SLC12A2: variants seen among roughly 807,000 people sequenced by gnomAD.
The protein encoded by SLC12A2 is solute carrier family 12 member 2.
In SLC12A2, 67 loss-of-function variants were observed where a neutral mutation model predicts 136.3. The ratio of observed to expected loss-of-function variants is 0.49; its 90% CI spans 0.40 to 0.60. SLC12A2 has a LOEUF of 0.60. SLC12A2 is among the 20% of genes least tolerant of loss of function. The probability of loss-of-function intolerance (pLI) is 0.00; values close to 1 mark genes in which losing one functional copy is unlikely to be tolerated. For missense variants in SLC12A2, 1,322 were observed against 1,534.7 expected (o/e 0.86, Z 2.32); for synonymous variants, 619 against 562.9 (o/e 1.10, Z -1.41).
rs1051492330 is a variant in SLC12A2, at chr5:128,083,909, G to T, written c.-46G>T. The stretch of plus-strand genomic sequence containing the variant: ...CCAGGGGTGTGGAGGGCGTGCTGCC[G>T]GAGACGTCCGCCGGGCTCTGCAGTT... On this transcript the variant is annotated 5_prime_UTR_variant, in exon 1 of 27. Coordinates refer to ENST00000262461, the MANE Select transcript of SLC12A2 (RefSeq NM_001046.3). 1 of 1,212,906 alleles carries T rather than the reference G, an allele frequency of 8.2e-7. No homozygotes were observed. Among genetic ancestry groups the T allele is most frequent in the Non-Finnish European group, 1.0e-6 (1 of 974,672 alleles). The allele number at this position is 1,212,906 out of a possible 1,614,324, so 75.1% of individuals were successfully genotyped here.
intron 24 of SLC12A2, 127 bp from the exon 25 acceptor site, chr5:128,184,239 G>A (rs2126761223): frequency 1.8e-6 from 1 of 551,184 alleles, no homozygotes. Context: ...TATTATGGTT[G>A]GGGTATGGAG....
At chr5:128,091,290 G>T (rs1382090126) in intron 1 of SLC12A2, among the ~76,000 whole-genome samples, 2 of 152,134 alleles carry the variant, frequency 1.3e-5, no homozygotes, top group African/African-American at 4.8e-5. Context: ...AGAAGGGCAG[G>T]TTTGGGAGAT....
chr5:128,175,587 G>A (rs2126751442), intron 20 of SLC12A2, among the ~76,000 whole-genome samples: 1 of 151,896 alleles, frequency 6.6e-6, no homozygotes, highest in Non-Finnish European at 1.5e-5. Context: ...AGTTTAATGG[G>A]AGGGTAAGAA....
At chr5:128,111,056 T>C (rs774681114) in intron 1 of SLC12A2, 40 of 628,020 alleles carry the variant, frequency 6.4e-5, no homozygotes, top group Non-Finnish European at 1.0e-4. Context: ...CTAAAAAGAA[T>C]TTTTTTAAGT....
intron 4 of SLC12A2, among the ~76,000 whole-genome samples, chr5:128,118,767 T>A (rs1761447013): frequency 6.6e-6 from 1 of 152,182 alleles, no homozygotes; most frequent in South Asian, 2.1e-4. Flanking sequence ...AGCTTTTACT[T>A]GATAAGAATA....
At position 128,167,852 on chromosome 5, in the gene SLC12A2, A is replaced by G. The variant is rs1014376529; in HGVS notation, c.2708A>G (p.Tyr903Cys). The change falls in exon 18 of 27, where the codon TAT becomes TGT. Residue 903 changes from tyrosine (Y) to cysteine (C), a missense_variant. Physicochemically the swap from Tyr to Cys is radical, Grantham distance 194. Around this residue, in one of 8 missense-constraint regions of SLC12A2, gnomAD observed 226 missense variants for 210.4 expected, o/e 1.07. Coordinates refer to ENST00000262461, the MANE Select transcript of SLC12A2 (RefSeq NM_001046.3). ...GCAGATATGAGGGATGTGGATATGTATATAAACTTATTTCAGTAAGTATCT... is the reference window on the plus strand; with the variant it reads ...GCAGATATGAGGGATGTGGATATGTGTATAAACTTATTTCAGTAAGTATCT... ...LQADMRDVDMYINLFHDAFDI... is the reference protein window; with the variant it reads ...LQADMRDVDMCINLFHDAFDI... 1.9e-6 allele frequency: 3 copies of G among 1,547,914 alleles called. No individual in the cohort carries two copies. Among genetic ancestry groups the G allele is most frequent in the Non-Finnish European group, 2.6e-6 (3 of 1,136,014 alleles).
At chr5:128,172,536 C>G (rs774351175) in intron 19 of SLC12A2, among the ~76,000 whole-genome samples, 16 of 152,186 alleles carry the variant, frequency 1.1e-4, no homozygotes, top group Non-Finnish European at 2.1e-4. Context: ...ACTTTGTCTC[C>G]AATCATTACT....
At chr5:128,117,257 A>G (rs910291355) in intron 4 of SLC12A2, among the ~76,000 whole-genome samples, 2 of 152,222 alleles carry the variant, frequency 1.3e-5, no homozygotes, top group East Asian at 1.9e-4. Context: ...GAGTCAACCT[A>G]AAGGAGCTAA....
Position 128,161,730 on chromosome 5 carries a change from A to G in SLC12A2, c.2546A>G (p.Asn849Ser). 6.5e-7 allele frequency: 1 copy of G among 1,537,220 alleles called. No homozygotes were observed. Among genetic ancestry groups the G allele is most frequent in the Non-Finnish European group, 8.7e-7 (1 of 1,144,262 alleles). ...AAATATCAGCGATGGCTTATTAAGA[A>G]CAAAATGAAGGCATTTTATGCTCCA... ...QAKYQRWLIKNKMKAFYAPVH... is the reference protein window; with the variant it reads ...QAKYQRWLIKSKMKAFYAPVH... Residue 849 changes from asparagine to serine, a missense_variant, in exon 17 of 27, where the codon AAC becomes AGC. Physicochemically the swap from Asn to Ser is conservative, Grantham distance 46. Transcript: ENST00000262461.
Position 128,084,116 on chromosome 5 carries a change from CG to C in SLC12A2, c.166del (p.Val56SerfsTer86). 1 of 1,306,384 alleles carries C rather than the reference CG, an allele frequency of 7.7e-7. No individual in the cohort carries two copies. Among genetic ancestry groups the C allele is most frequent in the Non-Finnish European group, 9.7e-7 (1 of 1,032,152 alleles). 80.9% of individuals were successfully genotyped at this position (1,306,384 alleles called of 1,614,324 possible). On this transcript the variant is annotated frameshift_variant, in exon 1 of 27. Coordinates refer to ENST00000262461, the MANE Select transcript of SLC12A2 (RefSeq NM_001046.3). LOFTEE classifies it high-confidence loss of function. The surrounding 1 kb of genome is among the most constrained non-coding windows in gnomAD (Gnocchi z 5.6). The stretch of plus-strand genomic sequence containing the variant: ...CTGCGCCCGCGAGCCGGGACGGCGG[CG>C]GGGTCCGCGATGAGGGCCCCGCGGC... ...DAAPASRDGG[G>X]VRDEGPAAAG...
chr5:128,105,719 C>A (rs1489753282), intron 1 of SLC12A2, among the ~76,000 whole-genome samples: 1 of 152,052 alleles, frequency 6.6e-6, no homozygotes, highest in Non-Finnish European at 1.5e-5. Flanking sequence ...AAAAATTATC[C>A]TTTTCTCTAC....
chr5:128,188,753 AAT>A lies in SLC12A2; in HGVS notation c.*2123_*2124del, dbSNP rs1468195570. ...ATTTTCTAAAAAAAAAAAAAAAAAA[AAT>A]TTCTACATTATAACTCACAGCATTG... On this transcript the variant is annotated 3_prime_UTR_variant, in exon 27 of 27. Transcript: ENST00000262461. The A allele has an allele frequency of 1.1e-3, 167 of 151,632 alleles. No individual in the cohort carries two copies. Among genetic ancestry groups the A allele is most frequent in the African/African-American group, 3.9e-3 (160 of 41,354 alleles). The allele number at this position is 151,632 out of a possible 1,614,324, so 9.4% of individuals were successfully genotyped here. A position where few individuals can be genotyped will look rare whatever the true frequency, so the allele number is the denominator to read the frequency against.
chr5:128,126,966 ATTTTTTT>A (rs1554105175), intron 4 of SLC12A2, among the ~76,000 whole-genome samples: 12 of 21,158 alleles, frequency 5.7e-4, no homozygotes, highest in African/African-American at 9.9e-4. Flanking sequence ...ATATATATAT[ATTTTTTT>A]TTTTTTTTTT....
Position 128,186,680 on chromosome 5 carries a change from T to TGTA in SLC12A2, c.*53_*55dup. ...TCCAGAATGGTACTTCAGTGCCTAG[T>TGTA]GTAGTAACTGAAATCTTCAATGACA... On this transcript the variant is annotated 3_prime_UTR_variant, in exon 27 of 27. Transcript: ENST00000262461. 6.4e-7 allele frequency: 1 copy of TGTA among 1,554,220 alleles called. No individual in the cohort carries two copies. The highest frequency in any genetic ancestry group is 8.8e-7 in the Non-Finnish European group (1 of 1,134,724).
intron 1 of SLC12A2, among the ~76,000 whole-genome samples, chr5:128,089,169 CAA>C (rs34686489): frequency 1.6e-3 from 189 of 119,724 alleles, no homozygotes; most frequent in East Asian, 3.0e-3. Flanking sequence ...ACTTTGTCTC[CAA>C]AAAAAAAAAA....
At position 128,126,966 on chromosome 5, in the gene SLC12A2, A is replaced by ATTTTTTTT. The variant is rs1554105175; in HGVS notation, c.1049-4087_1049-4080dup. Among the ~76,000 whole-genome samples the ATTTTTTTT allele has an allele frequency of 5.2e-4, 11 of 21,158 alleles. 1 individual carries two copies. The highest frequency in any genetic ancestry group is 6.9e-4 in the Non-Finnish European group (9 of 12,984). The allele number at this position is 21,158 out of a possible 152,430, so 13.9% of individuals were successfully genotyped here. On this transcript the variant is annotated intron_variant, in intron 4 of 26. Coordinates refer to ENST00000262461, the MANE Select transcript of SLC12A2 (RefSeq NM_001046.3). ...CATATATATATATATATATATATAT[A>ATTTTTTTT]TTTTTTTTTTTTTTTTTTTTTGCAT...
intron 7 of SLC12A2, among the ~76,000 whole-genome samples, chr5:128,136,588 G>A (rs900623054): frequency 3.9e-5 from 6 of 152,086 alleles, no homozygotes; most frequent in African/African-American, 1.4e-4. Flanking sequence ...GATGGTGATA[G>A]ATGCACTATG....
chr5:128,143,524 G>A (rs1246021718), intron 10 of SLC12A2, among the ~76,000 whole-genome samples: 1 of 152,058 alleles, frequency 6.6e-6, no homozygotes, highest in African/African-American at 2.4e-5. Flanking sequence ...AAAATGAAAT[G>A]AAGTTTTAGT....
At chr5:128,126,954 ATATATATATAT>A (rs1227972393) in intron 4 of SLC12A2, among the ~76,000 whole-genome samples, 1 of 28,608 alleles carries the variant, frequency 3.5e-5, no homozygotes, top group African/African-American at 3.0e-4. Context: ...ATATATATAT[ATATATATATAT>A]ATTTTTTTTT....
Sources: allele counts gnomAD v4.1 joint callset (sites outside exome capture counted in the v4.1 genomes callset), GRCh38; gene constraint gnomAD v4.1.1; regional missense constraint gnomAD v4.1.1; non-coding constraint Gnocchi (gnomAD v3.1); transcripts MANE v1.5; gene names NCBI Gene and HGNC (gene_info 2026-07-23, HGNC 2026-07-21).